CDKL1: variants seen among roughly 807,000 people sequenced by gnomAD.
CDKL1 encodes the protein cyclin-dependent kinase-like 1.
CDKL1 carries 41 observed loss-of-function variants against 42.0 expected under a neutral mutation model. That is an observed-to-expected ratio of 0.98 (90% CI 0.76 to 1.27). The LOEUF (loss-of-function observed/expected upper bound fraction) is 1.27. Ranked by LOEUF, CDKL1 falls within the 50% of genes most tolerant of loss-of-function variation. The probability of loss-of-function intolerance (pLI) is 0.00; values close to 1 mark genes in which losing one functional copy is unlikely to be tolerated. For missense variants in CDKL1, 394 were observed against 428.4 expected (o/e 0.92, Z 0.71); for synonymous variants, 153 against 158.6 (o/e 0.96, Z 0.26).
In CDKL1 at chr14:50,327,702, A is replaced by T. The variant is rs1019572564; in HGVS notation, c.*2372T>A. 1.3e-5 allele frequency: 2 copies of T among 151,954 alleles called. No homozygotes were observed. Among genetic ancestry groups the T allele is most frequent in the Non-Finnish European group, 2.9e-5 (2 of 67,978 alleles). The allele number at this position is 151,954 out of a possible 1,614,324, so 9.4% of individuals were successfully genotyped here. ...CTGGTCTTGAACTCCTAACCTCAGG[A>T]TCCACCCGCCTCGGCCTCCCAAAGT... On this transcript the variant is annotated 3_prime_UTR_variant, in exon 10 of 10. Transcript: ENST00000395834.
Position 50,341,545 on chromosome 14 carries a change from G to A in CDKL1, c.455-313C>T, listed in dbSNP as rs140737012. ...TGTAATCCCAGCACTTTGGGAGGCC[G>A]AGGTAGGTGGTTTGCTTCAGCCCAG... On this transcript the variant is annotated intron_variant, in intron 5 of 9. Coordinates refer to ENST00000395834, the MANE Select transcript of CDKL1 (RefSeq NM_004196.7). 1.1e-3 allele frequency among the ~76,000 whole-genome samples: 166 copies of A among 151,372 alleles called. 2 individuals carry two copies. In the East Asian group the frequency reaches 0.011, roughly 10 times the overall value.
intron 8 of CDKL1, 130 bp downstream of exon 8, chr14:50,334,435 C>T: frequency 1.4e-6 from 1 of 692,460 alleles, no homozygotes; most frequent in Non-Finnish European, 2.6e-6. Context: ...AGGTGTGAGC[C>T]ACTGCCCAGC....
chr14:50,344,122 G>C (rs991419055), intron 4 of CDKL1, among the ~76,000 whole-genome samples: 1 of 152,194 alleles, frequency 6.6e-6, no homozygotes, highest in Non-Finnish European at 1.5e-5. Flanking sequence ...GGGGCAGCAG[G>C]CTTCCCAGCA....
chr14:50,371,979 C>T (rs2034603524), intron 2 of CDKL1, among the ~76,000 whole-genome samples: 1 of 152,224 alleles, frequency 6.6e-6, no homozygotes, highest in Non-Finnish European at 1.5e-5. Context: ...CCTGCTGCCT[C>T]GGACCCCTCT....
chr14:50,335,377 C>T (rs2033207541), intron 7 of CDKL1: 12 of 958,620 alleles, frequency 1.3e-5, no homozygotes, highest in Non-Finnish European at 1.7e-5. Context: ...TTTTCCCCTA[C>T]CCAGGTGAAC....
chr14:50,336,325 C>CT, intron 7 of CDKL1: 4 of 1,124,380 alleles, frequency 3.6e-6, no homozygotes, highest in Non-Finnish European at 4.5e-6. Flanking sequence ...TGGGAAGCTT[C>CT]TTACATTTAT....
intron 2 of CDKL1, among the ~76,000 whole-genome samples, chr14:50,390,776 C>G (rs1047258781): frequency 6.6e-6 from 1 of 152,226 alleles, no homozygotes; most frequent in Non-Finnish European, 1.5e-5. Flanking sequence ...TTATGCAGAC[C>G]ACTGCCCACT....
At chr14:50,342,920 C>T (rs912327549) in intron 4 of CDKL1, 3 of 1,344,710 alleles carry the variant, frequency 2.2e-6, no homozygotes, top group Non-Finnish European at 3.0e-6. Flanking sequence ...TGGGGAGAGT[C>T]GCTAGATGTC....
chr14:50,331,734 TCA>T (rs1291813924), intron 9 of CDKL1: 4 of 382,152 alleles, frequency 1.0e-5, no homozygotes, highest in Admixed American at 4.2e-5. Flanking sequence ...TCAGGATTCT[TCA>T]CAGTCTCCCA....
intron 2 of CDKL1, among the ~76,000 whole-genome samples, chr14:50,384,682 CT>C (rs11285101): frequency 0.11 from 15,746 of 141,642 alleles, 975 homozygotes; most frequent in African/African-American, 0.18. Context: ...GAAAATCTTT[CT>C]TTTTTTTTTT....
chr14:50,386,128 G>GA (rs1485381651), intron 2 of CDKL1, among the ~76,000 whole-genome samples: 35 of 151,680 alleles, frequency 2.3e-4, no homozygotes, highest in African/African-American at 8.2e-4. Flanking sequence ...GAGAGAGAGA[G>GA]GCAGAAACAG....
At chr14:50,360,836 G>T (rs76438368) in intron 2 of CDKL1, among the ~76,000 whole-genome samples, 4,513 of 149,688 alleles carry the variant, frequency 0.03, 214 homozygotes, top group African/African-American at 0.097. Flanking sequence ...GATTGGCTTA[G>T]TTCACTTAAC....
At chr14:50,349,985 G>A (rs907698313) in intron 3 of CDKL1, among the ~76,000 whole-genome samples, 3 of 152,158 alleles carry the variant, frequency 2.0e-5, no homozygotes, top group Non-Finnish European at 4.4e-5. Context: ...GCCATGGTTG[G>A]CCAGGCTGGG....
intron 2 of CDKL1, among the ~76,000 whole-genome samples, chr14:50,367,756 T>C (rs2034472492): frequency 6.6e-6 from 1 of 152,190 alleles, no homozygotes; most frequent in African/African-American, 2.4e-5. Context: ...CTGGGGCGTC[T>C]GTGCTGGGCT....
intron 2 of CDKL1, among the ~76,000 whole-genome samples, chr14:50,393,856 A>G (rs1291557982): frequency 1.3e-5 from 2 of 152,216 alleles, no homozygotes; most frequent in Non-Finnish European, 2.9e-5. Context: ...CAATATTCAG[A>G]TAAGAGAACA....
At chr14:50,382,868 C>T (rs747645141) in intron 2 of CDKL1, among the ~76,000 whole-genome samples, 6 of 152,126 alleles carry the variant, frequency 3.9e-5, no homozygotes, top group Non-Finnish European at 5.9e-5. Context: ...GTTAGGATTA[C>T]AGGCGTAAGC....
At chr14:50,393,137 C>T (rs1286661775) in intron 2 of CDKL1, among the ~76,000 whole-genome samples, 2 of 152,176 alleles carry the variant, frequency 1.3e-5, no homozygotes, top group Non-Finnish European at 2.9e-5. Flanking sequence ...TGCCTTATCT[C>T]TCATTCCACG....
At chr14:50,348,434 G>A (rs541267269) in intron 3 of CDKL1, among the ~76,000 whole-genome samples, 23 of 152,290 alleles carry the variant, frequency 1.5e-4, no homozygotes, top group East Asian at 7.7e-4. Flanking sequence ...TGTGGATACC[G>A]TTCTGAAAAT....
At chr14:50,377,613 C>A (rs1488629332) in intron 2 of CDKL1, 1 of 1,355,194 alleles carries the variant, frequency 7.4e-7, no homozygotes, top group East Asian at 4.7e-5. Flanking sequence ...CAGATGGCAA[C>A]AAGGACCCCA....
Sources: allele counts gnomAD v4.1 joint callset (sites outside exome capture counted in the v4.1 genomes callset), GRCh38; gene constraint gnomAD v4.1.1; transcripts MANE v1.5; gene names NCBI Gene and HGNC (gene_info 2026-07-23, HGNC 2026-07-21).